The following SRRM2 variants were observed in gnomAD, a reference collection of about 807,000 sequenced individuals.
The protein encoded by SRRM2 is serine/arginine repetitive matrix 2, also known as serine/arginine repetitive matrix protein 2.
A neutral mutation model predicts 213.8 loss-of-function variants in SRRM2; 30 were observed. The ratio of observed to expected loss-of-function variants is 0.14; its 90% CI spans 0.10 to 0.19. SRRM2 has a LOEUF of 0.19. Ranked by LOEUF, SRRM2 falls within the 10% of genes least tolerant of loss-of-function variation. The pLI, the probability that SRRM2 is intolerant of heterozygous loss-of-function variation, is 1.00. For missense variants in SRRM2, 4,904 were observed against 3,647.0 expected, an observed-to-expected ratio of 1.34 and a Z score of -8.88; for synonymous variants, 2,025 against 1,377.7, an observed-to-expected ratio of 1.47 and a Z score of -10.40.
chr16:2,753,894 GTCTCCCCTTTT>G (rs1335770538), intron 1 of SRRM2, among the ~76,000 whole-genome samples: 2 of 152,016 alleles, frequency 1.3e-5, no homozygotes, highest in African/African-American at 2.4e-5. Flanking sequence ...GACAACCCTT[GTCTCCCCTTTT>G]TCTCCCCTTT....
In SRRM2 at chr16:2,764,949, C is replaced by T. The variant is rs140421601; in HGVS notation, c.4421C>T (p.Ser1474Phe). 8.3e-3 allele frequency: 13,335 copies of T among 1,614,148 alleles called. 58 individuals are homozygous for T. Among genetic ancestry groups the T allele is most frequent in the Non-Finnish European group, 0.01 (12,265 of 1,180,032 alleles). The stretch of plus-strand genomic sequence containing the variant: ...ATGAAAGATATACCTAGAACGCCAT[C>T]TAGAGGGAGAAGCGAATGTGATTCT... ...PGMKDIPRTPSRGRSECDSSP... is the reference protein window; with the variant it reads ...PGMKDIPRTPFRGRSECDSSP... Residue 1474 changes from serine to phenylalanine, a missense_variant, in exon 11 of 15, where the codon TCT (serine) becomes TTT (phenylalanine). Coordinates refer to ENST00000301740, the MANE Select transcript of SRRM2 (RefSeq NM_016333.4).
intron 11 of SRRM2, chr16:2,768,553 C>T (rs1480679309): frequency 3.1e-6 from 2 of 651,056 alleles, no homozygotes; most frequent in Non-Finnish European, 5.7e-6. Context: ...GGAGGGATGG[C>T]AGTTAGACCT....
At position 2,766,414 on chromosome 16, in the gene SRRM2, T is replaced by C. The variant is rs1373014384; in HGVS notation, c.5886T>C (p.Thr1962=). The C allele has an allele frequency of 1.9e-6, 3 of 1,612,848 alleles. No individual in the cohort carries two copies. The African/African-American group carries it at 4.0e-5, about 22-fold the overall frequency. The change falls in exon 11 of 15, where the codon ACT becomes ACC. Residue 1962 remains threonine (T), a synonymous_variant. Transcript: ENST00000301740. The surrounding 1 kb of genome is among the most constrained non-coding windows in gnomAD (Gnocchi z 7.0). ...PVTRRRSRSR[T]PPVTRRRSRS... is the part of the protein sequence containing the mutation. ...CTCGCAGAAGGTCCAGATCCAGGACTCCACCAGTAACCAGGAGGCGATCTC... is the reference window on the plus strand; with the variant it reads ...CTCGCAGAAGGTCCAGATCCAGGACCCCACCAGTAACCAGGAGGCGATCTC...
Position 2,770,648 on chromosome 16 carries a change from G to T in SRRM2, c.8180G>T (p.Ser2727Ile), listed in dbSNP as rs1410011041. The T allele has an allele frequency of 1.9e-6, 3 of 1,552,446 alleles. No homozygotes were observed. The Admixed American group carries it at 5.9e-5, about 30-fold the overall frequency. ...RGSRRGQRGD[S>I]RSPSHKRRRE... ...TCCCGGAGAGGCCAGCGTGGGGACA[G>T]CCGCTCCCCCAGCCACAAGCGCAGG... The change falls in exon 14 of 15, where the codon AGC becomes ATC. Residue 2727 changes from serine to isoleucine, a missense_variant. Ser to Ile is a moderately radical substitution (Grantham distance 142). Transcript: ENST00000301740.
rs369222915 is a variant in SRRM2, at chr16:2,766,254, G to A, written c.5726G>A (p.Arg1909Gln). The change falls in exon 11 of 15, where the codon CGA (arginine) becomes CAA (glutamine). Residue 1909 changes from arginine (R) to glutamine (Q), a missense_variant. By Grantham distance (43) the Arg-to-Gln change is conservative. Coordinates refer to ENST00000301740, the MANE Select transcript of SRRM2 (RefSeq NM_016333.4). This position sits in a 1 kb window ranked among gnomAD's most constrained non-coding sequence, Gnocchi z 7.0. The stretch of plus-strand genomic sequence containing the variant: ...AGGTCCAGGACTTCAGTGACTCGAC[G>A]AAGATCCCGGTCAAGAGCATCCCCA... ...RSRSRTSVTR[R>Q]RSRSRASPVS... 23 of 1,614,042 alleles carry A rather than the reference G, an allele frequency of 1.4e-5. No homozygotes were observed. The highest frequency in any genetic ancestry group is 2.2e-5 in the South Asian group (2 of 91,082).
chr16:2,762,832 A>G lies in SRRM2; in HGVS notation c.2304A>G (p.Lys768=), dbSNP rs536430611. ...GGTCTCTCTCTTCACCACGGTCCAA[A>G]GCAAAATCTCGCTTGTCTTTGAGGC... ...RSRSLSSPRS[K]AKSRLSLRRS... is the part of the protein sequence containing the mutation. Residue 768 remains lysine (K), a synonymous_variant, in exon 11 of 15, where the codon AAA becomes AAG. Coordinates refer to ENST00000301740, the MANE Select transcript of SRRM2 (RefSeq NM_016333.4). 1.1e-5 allele frequency: 18 copies of G among 1,614,164 alleles called. No homozygotes were observed. Among genetic ancestry groups the G allele is most frequent in the Non-Finnish European group, 1.4e-5 (17 of 1,180,022 alleles).
In SRRM2 at chr16:2,757,909, C is replaced by G; in HGVS notation, c.479C>G (p.Ala160Gly). ...SFDPQRRARE[A>G]KQPAPEPPKP... Reference sequence around the variant, plus strand: ...GATCCTCAGCGTCGTGCCCGAGAAGCTAAACAACCAGCTCCTGAGCCTCCC... The same window carrying G: ...GATCCTCAGCGTCGTGCCCGAGAAGGTAAACAACCAGCTCCTGAGCCTCCC... Residue 160 changes from alanine to glycine, a missense_variant, in exon 4 of 15, where the codon GCT (alanine) becomes GGT (glycine). Transcript: ENST00000301740. 6.2e-7 allele frequency: 1 copy of G among 1,614,070 alleles called. No homozygotes were observed. Among genetic ancestry groups the G allele is most frequent in the Non-Finnish European group, 8.5e-7 (1 of 1,180,024 alleles).
At position 2,755,301 on chromosome 16, in the gene SRRM2, G is replaced by C. The variant is rs1405774387; in HGVS notation, c.-31-1033G>C. Among the ~76,000 whole-genome samples the C allele has an allele frequency of 2.0e-5, 3 of 152,200 alleles. No individual in the cohort carries two copies. In the East Asian group the frequency reaches 5.8e-4, roughly 29 times the overall value. ...GGAGGCATGGGGTTAACACAGGAGA[G>C]AAGGAAGAGGCAGGGCTGAGAGAGA... is the stretch of plus-strand genomic sequence containing the variant. On this transcript the variant is annotated intron_variant, in intron 1 of 14. Coordinates refer to ENST00000301740, the MANE Select transcript of SRRM2 (RefSeq NM_016333.4).
At chr16:2,759,113 T>G (rs199955975) in intron 6 of SRRM2, 27 bp from the exon 7 acceptor site, 19 of 1,614,060 alleles carry the variant, frequency 1.2e-5, no homozygotes, top group Non-Finnish European at 1.6e-5. Context: ...GTGTTTCTTA[T>G]GTTTTTTCTT....
rs2068386212 is a variant in SRRM2, at chr16:2,762,419, G to A, written c.1891G>A (p.Val631Ile). 3 of 1,614,044 alleles carry A rather than the reference G, an allele frequency of 1.9e-6. No individual in the cohort carries two copies. Among genetic ancestry groups the A allele is most frequent in the Non-Finnish European group, 2.5e-6 (3 of 1,180,002 alleles). ...GCGCAGATCTAGGACCCGATCACCA[G>A]TACGACGCAGGTCTCGTAGTAGATC... Reference protein sequence around the residue: ...ARRRSRTRSPVRRRSRSRSPA... With the variant: ...ARRRSRTRSPIRRRSRSRSPA... Residue 631 changes from valine (V) to isoleucine (I), a missense_variant, in exon 11 of 15, where the codon GTA (valine) becomes ATA (isoleucine). Transcript: ENST00000301740.
At position 2,766,605 on chromosome 16, in the gene SRRM2, T is replaced by C; in HGVS notation, c.6077T>C (p.Ile2026Thr). The change falls in exon 11 of 15, where the codon ATT becomes ACT. Residue 2026 changes from isoleucine (I) to threonine (T), a missense_variant. By Grantham distance (89) the Ile-to-Thr change is moderately conservative (BLOSUM62 -1). Transcript: ENST00000301740. This position sits in a 1 kb window ranked among gnomAD's most constrained non-coding sequence, Gnocchi z 7.0. ...RRSRSRTPPA[I>T]RRRSRSRTPL... ...TCTAGGTCCCGGACACCTCCAGCTATTCGGCGCCGCTCTAGATCTCGAACG... is the reference window on the plus strand; with the variant it reads ...TCTAGGTCCCGGACACCTCCAGCTACTCGGCGCCGCTCTAGATCTCGAACG... The C allele has an allele frequency of 6.2e-7, 1 of 1,613,096 alleles. No individual in the cohort carries two copies. The highest frequency in any genetic ancestry group is 8.5e-7 in the Non-Finnish European group (1 of 1,179,640).
rs779043544 is a variant in SRRM2 at position 2,764,479 on chromosome 16, G to A, written c.3951G>A (p.Leu1317=). The change falls in exon 11 of 15, where the codon CTG becomes CTA. Residue 1317 remains leucine, a synonymous_variant. Transcript: ENST00000301740. Reference sequence around the variant, plus strand: ...ATTTTTCTCCAGAACATAAAGAACTGTCTAACTCCCCACTCAGGGAGAACA... The same window carrying A: ...ATTTTTCTCCAGAACATAAAGAACTATCTAACTCCCCACTCAGGGAGAACA... ...GPHFSPEHKE[L]SNSPLRENSF... 19 of 1,614,068 alleles carry A rather than the reference G, an allele frequency of 1.2e-5. No homozygotes were observed. The highest frequency in any genetic ancestry group is 1.5e-5 in the Non-Finnish European group (18 of 1,180,030).
intron 1 of SRRM2, among the ~76,000 whole-genome samples, chr16:2,753,281 T>C (rs2068007277): frequency 6.6e-6 from 1 of 152,208 alleles, no homozygotes; most frequent in South Asian, 2.1e-4. Context: ...CGGGCTTCTC[T>C]TCGGCGTTGG....
Position 2,765,786 on chromosome 16 carries a change from C to G in SRRM2, c.5258C>G (p.Thr1753Ser). 6.2e-7 allele frequency: 1 copy of G among 1,614,138 alleles called. No homozygotes were observed. Among genetic ancestry groups the G allele is most frequent in the East Asian group, 2.2e-5 (1 of 44,882 alleles). The change falls in exon 11 of 15, where the codon ACT becomes AGT. Residue 1753 changes from threonine to serine, a missense_variant. By Grantham distance (58) the Thr-to-Ser change is moderately conservative. Transcript: ENST00000301740. ...RRRRSASSPR[T>S]KTTSRRGRSP... ...CGGCGCTCAGCTTCATCTCCACGCA[C>G]TAAGACAACCTCAAGGAGAGGCCGC...
rs1291215133 is a variant in SRRM2 at position 2,766,359 on chromosome 16, G to A, written c.5831G>A (p.Arg1944His). 7.4e-6 allele frequency: 12 copies of A among 1,614,098 alleles called. No individual in the cohort carries two copies. Among genetic ancestry groups the A allele is most frequent in the African/African-American group, 2.7e-5 (2 of 75,016 alleles). ...AGGTCTAGAACGCCAACAACACGCC[G>A]CCGCTCCCGTTCTAGAACTCCACCA... ...RSRSRTPTTRRRSRSRTPPVT... is the reference protein window; with the variant it reads ...RSRSRTPTTRHRSRSRTPPVT... Residue 1944 changes from arginine (R) to histidine (H), a missense_variant, in exon 11 of 15, where the codon CGC becomes CAC. By Grantham distance (29) the Arg-to-His change is conservative. Transcript: ENST00000301740. The surrounding 1 kb of genome is among the most constrained non-coding windows in gnomAD (Gnocchi z 7.0).
Position 2,771,039 on chromosome 16 carries a change from T to A in SRRM2, c.*172T>A. The A allele has an allele frequency of 1.4e-6, 1 of 704,526 alleles. No individual in the cohort carries two copies. The highest frequency in any genetic ancestry group is 2.3e-6 in the Non-Finnish European group (1 of 436,450). The allele number at this position is 704,526 out of a possible 1,614,324, so 43.6% of individuals were successfully genotyped here. A position where few individuals can be genotyped will look rare whatever the true frequency, so the allele number is the denominator to read the frequency against. The stretch of plus-strand genomic sequence containing the variant: ...TTTTTTTTTCTTTGTTCCTGTGAAA[T>A]GTTAATCTCCGTGAGTTCTTCCTGG... On this transcript the variant is annotated 3_prime_UTR_variant, in exon 15 of 15. Transcript: ENST00000301740.
At position 2,764,614 on chromosome 16, in the gene SRRM2, G is replaced by A; in HGVS notation, c.4086G>A (p.Gln1362=). The A allele has an allele frequency of 6.2e-7, 1 of 1,614,152 alleles. No individual in the cohort carries two copies. Among genetic ancestry groups the A allele is most frequent in the Non-Finnish European group, 8.5e-7 (1 of 1,180,028 alleles). ...KEDLNGPFLN[Q]LETDPSLDMK... The stretch of plus-strand genomic sequence containing the variant: ...ATTTGAATGGACCGTTTCTTAATCA[G>A]CTGGAAACAGATCCATCTCTAGACA... The change falls in exon 11 of 15, where the codon CAG becomes CAA. Residue 1362 remains glutamine (Q), a synonymous_variant. Transcript: ENST00000301740.
At chr16:2,769,828 T>A (rs2068679518) in intron 12 of SRRM2, 1 of 464,782 alleles carries the variant, frequency 2.2e-6, no homozygotes, top group South Asian at 1.5e-5. Context: ...TGTGTTCTCC[T>A]CCTGCCCGCC....
In SRRM2 at chr16:2,753,034, T is replaced by TCA. The variant is rs1555458551; in HGVS notation, c.-32+190_-32+191dup. 7.1e-3 allele frequency among the ~76,000 whole-genome samples: 337 copies of TCA among 47,224 alleles called. 3 individuals carry two copies. Among genetic ancestry groups the TCA allele is most frequent in the African/African-American group, 0.021 (316 of 15,118 alleles). The allele number at this position is 47,224 out of a possible 152,430, so 31.0% of individuals were successfully genotyped here. ...CCGCCGTTCCTGTCGCGCGCGGGCT[T>TCA]CACCCCCCCCCGCCCCTCCCCCATG... On this transcript the variant is annotated intron_variant, in intron 1 of 14. Coordinates refer to ENST00000301740, the MANE Select transcript of SRRM2 (RefSeq NM_016333.4).
Sources: gnomAD v4.1 joint callset for allele counts (sites outside exome capture counted in the v4.1 genomes callset) on GRCh38, gnomAD v4.1.1 for gene constraint, Gnocchi (gnomAD v3.1) non-coding constraint, MANE v1.5 for transcripts, NCBI Gene and HGNC (gene_info 2026-07-23, HGNC 2026-07-21) for gene names.